The following SGCZ variants were observed in gnomAD, a reference collection of about 807,000 sequenced individuals.
SGCZ encodes sarcoglycan zeta.
In SGCZ, 40 loss-of-function variants were observed where a neutral mutation model predicts 41.3. That is an observed-to-expected ratio of 0.97 (90% CI 0.75 to 1.26). The LOEUF is 1.26. SGCZ is among the 50% of genes most tolerant of loss of function. The probability of loss-of-function intolerance (pLI) is 0.00; values close to 1 mark genes in which losing one functional copy is unlikely to be tolerated. For missense variants in SGCZ, 552 were observed against 369.8 expected, an observed-to-expected ratio of 1.49 and a Z score of -4.04; for synonymous variants, 206 against 137.5, an observed-to-expected ratio of 1.50 and a Z score of -3.49.
chr8:14,779,547 T>A (rs1215524222), intron 1 of SGCZ, among the ~76,000 whole-genome samples: 2 of 152,212 alleles, frequency 1.3e-5, no homozygotes, highest in Non-Finnish European at 2.9e-5. Context: ...AAGAAATGAT[T>A]GCTTTAAGCC....
rs1802626865 is a variant in SGCZ at position 14,516,582 on chromosome 8, C to T, written c.234+38150G>A. Among the ~76,000 whole-genome samples the T allele has an allele frequency of 2.6e-5, 4 of 152,156 alleles. No homozygotes were observed. The South Asian group carries it at 8.3e-4, about 32-fold the overall frequency. On this transcript the variant is annotated intron_variant, in intron 2 of 7. Coordinates refer to ENST00000382080, the MANE Select transcript of SGCZ (RefSeq NM_139167.4). ...TTTCTTTTCACAAACACCTGGACCA[C>T]TGCAGCAATTTTAAGGAAGCTGTGA...
At chr8:14,558,539 C>A (rs889367631) in intron 1 of SGCZ, among the ~76,000 whole-genome samples, 4 of 142,468 alleles carry the variant, frequency 2.8e-5, no homozygotes, top group Admixed American at 7.2e-5. Context: ...GGTGCCACTG[C>A]ACTTCAGCCT....
At chr8:14,634,414 C>T (rs1422239423) in intron 1 of SGCZ, among the ~76,000 whole-genome samples, 1 of 151,716 alleles carries the variant, frequency 6.6e-6, no homozygotes, top group African/African-American at 2.4e-5. Flanking sequence ...CCACACTCAA[C>T]GCCACACATT....
intron 3 of SGCZ, among the ~76,000 whole-genome samples, chr8:14,284,154 T>G (rs7003889): frequency 0.73 from 110,747 of 152,128 alleles, 40,676 homozygotes; most frequent in African/African-American, 0.81. Flanking sequence ...CACTTTGGAG[T>G]CCAAGGCAGG....
chr8:14,366,865 T>C (rs929646164), intron 2 of SGCZ, among the ~76,000 whole-genome samples: 21 of 152,286 alleles, frequency 1.4e-4, no homozygotes, highest in African/African-American at 4.3e-4. Context: ...CCTAGGCCTC[T>C]GGGCCTGTGA....
chr8:14,675,133 GC>G (rs1808232677), intron 1 of SGCZ, among the ~76,000 whole-genome samples: 1 of 151,050 alleles, frequency 6.6e-6, no homozygotes, highest in Non-Finnish European at 1.5e-5. Context: ...GTAGAGACAG[GC>G]TTTCACCGTG....
chr8:14,925,537 A>C (rs1175870257), intron 1 of SGCZ, among the ~76,000 whole-genome samples: 1 of 152,198 alleles, frequency 6.6e-6, no homozygotes, highest in African/African-American at 2.4e-5. Flanking sequence ...CATTGCCTAT[A>C]AACAGATAGG....
intron 3 of SGCZ, among the ~76,000 whole-genome samples, chr8:14,269,817 T>A (rs1800001692): frequency 6.6e-6 from 1 of 152,204 alleles, no homozygotes; most frequent in South Asian, 2.1e-4. Context: ...GTCAACAGTC[T>A]GCATACGTTT....
chr8:14,497,104 A>G (rs1342341549), intron 2 of SGCZ, among the ~76,000 whole-genome samples: 2 of 152,190 alleles, frequency 1.3e-5, no homozygotes, highest in African/African-American at 4.8e-5. Flanking sequence ...TCTTTTGGTT[A>G]CGCGTCACAA....
At chr8:14,603,223 G>T (rs1468337788) in intron 1 of SGCZ, among the ~76,000 whole-genome samples, 2 of 152,008 alleles carry the variant, frequency 1.3e-5, no homozygotes, top group African/African-American at 4.8e-5. Flanking sequence ...CTAGAAAAAG[G>T]CCTTGAAAAT....
At chr8:14,753,492 C>A (rs1799563700) in intron 1 of SGCZ, among the ~76,000 whole-genome samples, 1 of 152,154 alleles carries the variant, frequency 6.6e-6, no homozygotes, top group African/African-American at 2.4e-5. Flanking sequence ...TATGCATAAG[C>A]AACATACATT....
In SGCZ at chr8:14,312,965, C is replaced by G. The variant is rs555221243; in HGVS notation, c.336+11138G>C. On this transcript the variant is annotated intron_variant, in intron 3 of 7. Transcript: ENST00000382080. ...CTTCACCTTCTTACTAAGAAGACTG[C>G]GGATTCCTTTCACTATTGTAGGAAT... Among the ~76,000 whole-genome samples, 3 of 152,254 alleles carry G rather than the reference C, an allele frequency of 2.0e-5. No individual in the cohort carries two copies. The South Asian group carries it at 6.2e-4, about 32-fold the overall frequency.
intron 1 of SGCZ, among the ~76,000 whole-genome samples, chr8:14,650,486 T>C (rs2117453876): frequency 6.6e-6 from 1 of 151,218 alleles, no homozygotes; most frequent in African/African-American, 2.4e-5. Flanking sequence ...TATTTTTTTT[T>C]CTGATCTTCT....
intron 1 of SGCZ, among the ~76,000 whole-genome samples, chr8:14,612,937 C>T (rs1203756245): frequency 2.0e-5 from 3 of 152,142 alleles, no homozygotes; most frequent in Non-Finnish European, 2.9e-5. Context: ...CCACTTGCCT[C>T]GGCCTCCCAA....
At chr8:14,740,872 A>T (rs2244211) in intron 1 of SGCZ, among the ~76,000 whole-genome samples, 70,094 of 151,882 alleles carry the variant, frequency 0.46, 16,866 homozygotes, top group Non-Finnish European at 0.54. Flanking sequence ...ATGTTTAAAC[A>T]TACAGTTGTT....
At chr8:14,419,930 T>C (rs567431460) in intron 2 of SGCZ, among the ~76,000 whole-genome samples, 22 of 152,188 alleles carry the variant, frequency 1.4e-4, no homozygotes, top group Middle Eastern at 3.4e-3. Context: ...TCATCCCCCA[T>C]GTCATTACAG....
At chr8:14,428,301 A>AT (rs1334335494) in intron 2 of SGCZ, among the ~76,000 whole-genome samples, 1 of 151,958 alleles carries the variant, frequency 6.6e-6, no homozygotes, top group Non-Finnish European at 1.5e-5. Flanking sequence ...TTATCTATGC[A>AT]TTTTTATCAT....
At chr8:14,494,069 T>C (rs544209295) in intron 2 of SGCZ, among the ~76,000 whole-genome samples, 3 of 152,264 alleles carry the variant, frequency 2.0e-5, no homozygotes, top group African/African-American at 7.2e-5. Flanking sequence ...GTTAAAATAT[T>C]TGTTCGCGTG....
At chr8:14,377,218 T>C (rs1804164528) in intron 2 of SGCZ, among the ~76,000 whole-genome samples, 1 of 152,152 alleles carries the variant, frequency 6.6e-6, no homozygotes, top group South Asian at 2.1e-4. Context: ...AATGATGTAA[T>C]CAATCATGCT....
Sources: allele counts gnomAD v4.1 joint callset (sites outside exome capture counted in the v4.1 genomes callset), GRCh38; gene constraint gnomAD v4.1.1; transcripts MANE v1.5; gene names NCBI Gene and HGNC (gene_info 2026-07-23, HGNC 2026-07-21).